The following PRKCB variants were observed in gnomAD, a reference collection of about 807,000 sequenced individuals.
PRKCB encodes protein kinase C beta.
Under a neutral mutation model 81.5 loss-of-function variants are expected in PRKCB, and 13 were observed. That is an observed-to-expected ratio of 0.16 (90% CI 0.10 to 0.25). The LOEUF is 0.25. Ranked by LOEUF, PRKCB falls within the 10% of genes least tolerant of loss-of-function variation. PRKCB has a pLI of 1.00. For missense variants in PRKCB, 509 were observed against 875.7 expected, an observed-to-expected ratio of 0.58 and a Z score of 5.29; for synonymous variants, 335 against 321.4, an observed-to-expected ratio of 1.04 and a Z score of -0.45.
intron 2 of PRKCB, among the ~76,000 whole-genome samples, chr16:23,927,282 G>GTATA (rs1369930458): frequency 2.0e-5 from 3 of 152,036 alleles, no homozygotes; most frequent in African/African-American, 4.8e-5. Context: ...AGAGGAAATA[G>GTATA]TATATACAAA....
At chr16:24,135,310 C>CTTTTTT (rs33975464) in intron 9 of PRKCB, among the ~76,000 whole-genome samples, 29 of 112,256 alleles carry the variant, frequency 2.6e-4, no homozygotes, top group African/African-American at 9.1e-4. Flanking sequence ...CTCAGTGTCC[C>CTTTTTT]TTTTTTTTTT....
In PRKCB at chr16:23,896,729, G is replaced by A. The variant is rs149043707; in HGVS notation, c.205+59323G>A. On this transcript the variant is annotated intron_variant, in intron 2 of 16. Coordinates refer to ENST00000643927, the MANE Select transcript of PRKCB (RefSeq NM_002738.7). ...AAAGGGGAAAGAGCCTTATCCTAAT[G>A]TTTTCATAGAAATTATTTTTAAATA... 3.0e-3 allele frequency among the ~76,000 whole-genome samples: 451 copies of A among 152,258 alleles called. 4 individuals are homozygous for A. The highest frequency in any genetic ancestry group is 0.01 in the African/African-American group (435 of 41,550).
At position 24,219,740 on chromosome 16, in the gene PRKCB, T is replaced by G. The variant is rs1183295842; in HGVS notation, c.*4924T>G. On this transcript the variant is annotated 3_prime_UTR_variant, in exon 17 of 17. Transcript: ENST00000643927. ...AATTCTTAACTGACATTCAATGACT[T>G]ACTTCTTTTCTTAGAAAATTTCCAC... 3.7e-6 allele frequency: 5 copies of G among 1,359,328 alleles called. No individual in the cohort carries two copies. Among genetic ancestry groups the G allele is most frequent in the Non-Finnish European group, 4.7e-6 (5 of 1,056,274 alleles). 84.2% of individuals were successfully genotyped at this position (1,359,328 alleles called of 1,614,324 possible).
At chr16:24,079,235 A>T (rs577997253) in intron 5 of PRKCB, among the ~76,000 whole-genome samples, 25 of 152,258 alleles carry the variant, frequency 1.6e-4, no homozygotes, top group African/African-American at 5.5e-4. Context: ...TTTCGGACTC[A>T]GCCTGCCTGC....
rs1168709528 is a variant in PRKCB, at chr16:24,144,795, C to T, written c.1066-9889C>T. Among the ~76,000 whole-genome samples the T allele has an allele frequency of 1.3e-5, 2 of 152,158 alleles. 1 individual carries two copies. The highest frequency in any genetic ancestry group is 1.3e-4 in the Admixed American group (2 of 15,282). The stretch of plus-strand genomic sequence containing the variant: ...ACCTTGATCTGGGAGATTTTTAAAG[C>T]AACTTCTCCTACTCATGAAATCCTT... On this transcript the variant is annotated intron_variant, in intron 9 of 16. Transcript: ENST00000643927.
At chr16:24,185,777 G>T (rs868822173) in intron 15 of PRKCB, among the ~76,000 whole-genome samples, 1 of 152,216 alleles carries the variant, frequency 6.6e-6, no homozygotes, top group East Asian at 1.9e-4. Flanking sequence ...GTAGAGAGCT[G>T]CCTGCAGCTG....
At chr16:24,053,250 G>A (rs541417553) in intron 5 of PRKCB, among the ~76,000 whole-genome samples, 1 of 152,352 alleles carries the variant, frequency 6.6e-6, no homozygotes, top group South Asian at 2.1e-4. Context: ...ATTTGTCAGA[G>A]AACAAGCCAA....
At chr16:24,070,657 A>G (rs1966096178) in intron 5 of PRKCB, among the ~76,000 whole-genome samples, 1 of 152,118 alleles carries the variant, frequency 6.6e-6, no homozygotes, top group South Asian at 2.1e-4. Flanking sequence ...ATGAGGGAAC[A>G]CTGTTGCTAT....
At chr16:24,093,955 G>A (rs557678001) in intron 6 of PRKCB, among the ~76,000 whole-genome samples, 5 of 152,348 alleles carry the variant, frequency 3.3e-5, no homozygotes, top group African/African-American at 1.2e-4. Flanking sequence ...GCCAGTCTAA[G>A]ACCTCTGCCT....
chr16:24,021,072 C>CTCCCTCCCTCCT lies in PRKCB; in HGVS notation c.289-11063_289-11062insCCCTCCCTCCTT. 1.2e-3 allele frequency among the ~76,000 whole-genome samples: 116 copies of CTCCCTCCCTCCT among 94,470 alleles called. 5 individuals carry two copies. The highest frequency in any genetic ancestry group is 4.7e-3 in the African/African-American group (110 of 23,472). 62.0% of individuals were successfully genotyped at this position (94,470 alleles called of 152,430 possible). ...TTTCTTTCTTTCCCTCCCTCCCTCC[C>CTCCCTCCCTCCT]TTCTTTCTTTCTTTCTTTTTTTCTT... is the stretch of plus-strand genomic sequence containing the variant. On this transcript the variant is annotated intron_variant, in intron 3 of 16. Transcript: ENST00000643927.
chr16:24,084,859 A>C lies in PRKCB; in HGVS notation c.530-7932A>C, dbSNP rs71379842. Among the ~76,000 whole-genome samples the C allele has an allele frequency of 3.9e-3, 593 of 152,298 alleles. 1 individual carries two copies. The highest frequency in any genetic ancestry group is 6.0e-3 in the Non-Finnish European group (410 of 68,018). On this transcript the variant is annotated intron_variant, in intron 5 of 16. Transcript: ENST00000643927. ...GGGACACCCAATAGGTTTGACAAGC[A>C]GTGTGCGGGACTTTGCTGTGGTTGG...
chr16:23,939,520 T>C (rs1430420995), intron 2 of PRKCB, among the ~76,000 whole-genome samples: 1 of 152,164 alleles, frequency 6.6e-6, no homozygotes, highest in African/African-American at 2.4e-5. Flanking sequence ...CATAAATCAA[T>C]AGAACAGAAT....
intron 9 of PRKCB, among the ~76,000 whole-genome samples, chr16:24,135,657 C>A (rs777988617): frequency 1.3e-5 from 2 of 152,042 alleles, no homozygotes; most frequent in African/African-American, 2.4e-5. Flanking sequence ...CAGATTTTAA[C>A]AGGAAGAAAT....
intron 8 of PRKCB, among the ~76,000 whole-genome samples, chr16:24,117,214 C>T (rs1567380776): frequency 6.6e-6 from 1 of 152,186 alleles, no homozygotes; most frequent in African/African-American, 2.4e-5. Context: ...TTTCAAGCCT[C>T]TTATCTGGAG....
chr16:23,862,523 T>C (rs1391732188), intron 2 of PRKCB, among the ~76,000 whole-genome samples: 1 of 152,224 alleles, frequency 6.6e-6, no homozygotes, highest in East Asian at 1.9e-4. Flanking sequence ...AAATGACCAT[T>C]CCCTTCTTCC....
intron 3 of PRKCB, among the ~76,000 whole-genome samples, chr16:23,998,224 C>T (rs888658079): frequency 6.6e-6 from 1 of 152,150 alleles, no homozygotes; most frequent in Admixed American, 6.5e-5. Flanking sequence ...CCATTGGCAC[C>T]TATGGTTCTC....
chr16:24,198,577 A>G lies in PRKCB; in HGVS notation c.1863+7347A>G, dbSNP rs578168251. On this transcript the variant is annotated intron_variant, in intron 16 of 16. Coordinates refer to ENST00000643927, the MANE Select transcript of PRKCB (RefSeq NM_002738.7). ...GGTGTCAAAATCCTGGCCTCAAGTG[A>G]TCCTCCCACCTCTGCCTCTGAAAGT... Among the ~76,000 whole-genome samples the G allele has an allele frequency of 2.6e-4, 39 of 152,196 alleles. 1 individual carries two copies. The South Asian group carries it at 7.7e-3, about 30-fold the overall frequency.
At chr16:24,209,808 TAAATGTAA>T (rs980188803) in intron 16 of PRKCB, among the ~76,000 whole-genome samples, 1 of 152,052 alleles carries the variant, frequency 6.6e-6, no homozygotes, top group African/African-American at 2.4e-5. Flanking sequence ...TGATCCTGTT[TAAATGTAA>T]ATCAGGGCCA....
rs1299246147 is a variant in PRKCB at position 24,096,664 on chromosome 16, AAAATATAT to A, written c.821+2369_821+2376del. Among the ~76,000 whole-genome samples, 241 of 85,318 alleles carry A rather than the reference AAAATATAT, an allele frequency of 2.8e-3. 2 individuals are homozygous for A. Among genetic ancestry groups the A allele is most frequent in the African/African-American group, 0.01 (187 of 18,364 alleles). The allele number at this position is 85,318 out of a possible 152,430, so 56.0% of individuals were successfully genotyped here. ...TCCCTTCCTATGGCAAAAAAAAAAA[AAAATATAT>A]ATATATATATATATATATATATATA... On this transcript the variant is annotated intron_variant, in intron 7 of 16. Transcript: ENST00000643927.
Sources: gnomAD v4.1 joint callset for allele counts (sites outside exome capture counted in the v4.1 genomes callset) on GRCh38, gnomAD v4.1.1 for gene constraint, MANE v1.5 for transcripts, NCBI Gene and HGNC (gene_info 2026-07-23, HGNC 2026-07-21) for gene names.